The following PCDHGB2 variants were observed in gnomAD, a reference collection of about 807,000 sequenced individuals.
The protein encoded by PCDHGB2 is protocadherin gamma-B2.
PCDHGB2 carries 55 observed loss-of-function variants against 59.3 expected under a neutral mutation model. The observed-to-expected ratio is 0.93, with a 90% confidence interval of 0.75 to 1.16. PCDHGB2 has a LOEUF of 1.16. Ranked by LOEUF, PCDHGB2 falls within the 50% of genes most tolerant of loss-of-function variation. The probability of loss-of-function intolerance (pLI) is 0.00; values close to 1 mark genes in which losing one functional copy is unlikely to be tolerated. For missense variants in PCDHGB2, 1,228 were observed against 1,198.5 expected, an observed-to-expected ratio of 1.02 and a Z score of -0.36; for synonymous variants, 516 against 512.0, an observed-to-expected ratio of 1.01 and a Z score of -0.11.
chr5:141,419,729 G>T (rs1436631336), intron 1 of PCDHGB2: 1 of 1,613,758 alleles, frequency 6.2e-7, no homozygotes, highest in Admixed American at 1.7e-5. Context: ...GCTGCGAACA[G>T]GCGAGGTGCG....
chr5:141,453,669 G>T (rs1390396079), intron 1 of PCDHGB2, among the ~76,000 whole-genome samples: 1 of 152,034 alleles, frequency 6.6e-6, no homozygotes, highest in Non-Finnish European at 1.5e-5. Context: ...TTACACAAAA[G>T]GTAACACACT....
chr5:141,495,300 C>T (rs1249195819), intron 2 of PCDHGB2, among the ~76,000 whole-genome samples: 1 of 152,204 alleles, frequency 6.6e-6, no homozygotes, highest in Non-Finnish European at 1.5e-5. Context: ...AGCGCCTCCT[C>T]CAGAGCCTCC....
At chr5:141,389,525 CGT>C in intron 1 of PCDHGB2, 1 of 1,613,170 alleles carries the variant, frequency 6.2e-7, no homozygotes, top group Non-Finnish European at 8.5e-7. Context: ...TGAGCCTGCG[CGT>C]GTTAGTGGAC....
At chr5:141,405,523 G>T (rs140184617) in intron 1 of PCDHGB2, 2 of 679,202 alleles carry the variant, frequency 2.9e-6, no homozygotes, top group African/African-American at 3.6e-5. Context: ...AAATTCAAGC[G>T]ATTCTCCTGC....
chr5:141,511,419 G>A lies in PCDHGB2; in HGVS notation c.*246G>A, dbSNP rs1437533706. On this transcript the variant is annotated 3_prime_UTR_variant, in exon 4 of 4. Coordinates refer to ENST00000522605, the MANE Select transcript of PCDHGB2 (RefSeq NM_018923.3). Reference sequence around the variant, plus strand: ...ATCCAATCAACTGCTGTACCCATGGGGGTAGTGGGGTTACTGTAGACACCA... The same window carrying A: ...ATCCAATCAACTGCTGTACCCATGGAGGTAGTGGGGTTACTGTAGACACCA... 1.2e-6 allele frequency: 1 copy of A among 830,454 alleles called. No individual in the cohort carries two copies. The highest frequency in any genetic ancestry group is 1.7e-5 in the African/African-American group (1 of 58,076). 51.4% of individuals were successfully genotyped at this position (830,454 alleles called of 1,614,324 possible).
intron 1 of PCDHGB2, chr5:141,420,202 C>T (rs2096476837): frequency 6.2e-7 from 1 of 1,613,136 alleles, no homozygotes. Flanking sequence ...AAGATAACCT[C>T]AACAAAGATA....
Position 141,395,117 on chromosome 5 carries a change from G to C in PCDHGB2, c.2421+32561G>C. 4 of 1,614,192 alleles carry C rather than the reference G, an allele frequency of 2.5e-6. No homozygotes were observed. The South Asian group carries it at 4.4e-5, about 18-fold the overall frequency. ...CCGCCGACTCGCGGAAGAGTCACCT[G>C]ATCTTTCCCCAGCCCAACTACGCAG... On this transcript the variant is annotated intron_variant, in intron 1 of 3. Coordinates refer to ENST00000522605, the MANE Select transcript of PCDHGB2 (RefSeq NM_018923.3).
Position 141,366,435 on chromosome 5 carries a change from G to A in PCDHGB2, c.2421+3879G>A, listed in dbSNP as rs1764554522. ...GTGGTGGCAGTGGCTGCAGTCTCCTGCGTCTTCCTGGCCTTCGTCATCGTG... is the reference window on the plus strand; with the variant it reads ...GTGGTGGCAGTGGCTGCAGTCTCCTACGTCTTCCTGGCCTTCGTCATCGTG... On this transcript the variant is annotated intron_variant, in intron 1 of 3. Transcript: ENST00000522605. 2 of 1,614,046 alleles carry A rather than the reference G, an allele frequency of 1.2e-6. No individual in the cohort carries two copies. The highest frequency in any genetic ancestry group is 1.3e-5 in the African/African-American group (1 of 74,958).
chr5:141,384,238 G>C, intron 1 of PCDHGB2: 2 of 1,613,838 alleles, frequency 1.2e-6, no homozygotes, highest in Admixed American at 1.7e-5. Flanking sequence ...AGACACCAAC[G>C]ATAACCCACC....
chr5:141,399,991 G>A (rs1226741326), intron 1 of PCDHGB2: 1 of 1,612,422 alleles, frequency 6.2e-7, no homozygotes. Context: ...CACAGGAGAG[G>A]TGCGCACAGC....
chr5:141,392,977 AC>A (rs1561639344), intron 1 of PCDHGB2: 1 of 1,613,678 alleles, frequency 6.2e-7, no homozygotes, highest in South Asian at 1.1e-5. Flanking sequence ...CTGGGGCTGG[AC>A]CCCCGGAAGC....
In PCDHGB2 at chr5:141,489,163, C is replaced by T. The variant is rs2099683398; in HGVS notation, c.2422-5644C>T. 1 of 1,060,592 alleles carries T rather than the reference C, an allele frequency of 9.4e-7. No individual in the cohort carries two copies. Among genetic ancestry groups the T allele is most frequent in the Admixed American group, 2.4e-5 (1 of 41,724 alleles). The allele number at this position is 1,060,592 out of a possible 1,614,324, so 65.7% of individuals were successfully genotyped here. On this transcript the variant is annotated intron_variant, in intron 1 of 3. Coordinates refer to ENST00000522605, the MANE Select transcript of PCDHGB2 (RefSeq NM_018923.3). This position sits in a 1 kb window ranked among gnomAD's most constrained non-coding sequence, Gnocchi z 4.5. ...TGGAAGGAGACATAAGAGACTTCAGCTGCTGCATTCCAAGCCCTGGGTCTA... is the reference window on the plus strand; with the variant it reads ...TGGAAGGAGACATAAGAGACTTCAGTTGCTGCATTCCAAGCCCTGGGTCTA...
At position 141,497,540 on chromosome 5, in the gene PCDHGB2, C is replaced by CT. The variant is rs754207034; in HGVS notation, c.2480+2693dup. On this transcript the variant is annotated intron_variant, in intron 2 of 3. Transcript: ENST00000522605. Reference sequence around the variant, plus strand: ...TTAACTTGTGGAGGATGCAACAAACCTTTTTTTTTTTTTTTTTTAGACAGA... The same window carrying CT: ...TTAACTTGTGGAGGATGCAACAAACCTTTTTTTTTTTTTTTTTTTAGACAGA... Among the ~76,000 whole-genome samples, 618 of 134,908 alleles carry CT rather than the reference C, an allele frequency of 4.6e-3. 3 individuals carry two copies. The highest frequency in any genetic ancestry group is 0.012 in the African/African-American group (419 of 35,974). 88.5% of individuals were successfully genotyped at this position (134,908 alleles called of 152,430 possible). A position where few individuals can be genotyped will look rare whatever the true frequency, so the allele number is the denominator to read the frequency against.
At chr5:141,404,015 C>T in intron 1 of PCDHGB2, 1 of 1,613,622 alleles carries the variant, frequency 6.2e-7, no homozygotes. Context: ...TCTGTTTAGC[C>T]CAGTGAGAGA....
Position 141,489,216 on chromosome 5 carries a change from C to G in PCDHGB2, c.2422-5591C>G. The G allele has an allele frequency of 6.7e-7, 1 of 1,486,698 alleles. No individual in the cohort carries two copies. Among genetic ancestry groups the G allele is most frequent in the Non-Finnish European group, 9.1e-7 (1 of 1,103,260 alleles). 92.1% of individuals were successfully genotyped at this position (1,486,698 alleles called of 1,614,324 possible). ...TTGGAGACAGGACAGCACAGACTTA[C>G]TCTCCACAAAGGGACTTCTGGGTCA... On this transcript the variant is annotated intron_variant, in intron 1 of 3. Transcript: ENST00000522605. This position sits in a 1 kb window ranked among gnomAD's most constrained non-coding sequence, Gnocchi z 4.5.
Position 141,364,604 on chromosome 5 carries a change from C to G in PCDHGB2, c.2421+2048C>G, listed in dbSNP as rs370007558. On this transcript the variant is annotated intron_variant, in intron 1 of 3. Transcript: ENST00000522605. ...CTTGGTCACCGCGGGCAGGATAGAC[C>G]GGGAGGAGCTCTGCGCTCAGAGCCC... 4.1e-5 allele frequency: 66 copies of G among 1,614,044 alleles called. No individual in the cohort carries two copies. Among genetic ancestry groups the G allele is most frequent in the Non-Finnish European group, 5.3e-5 (63 of 1,180,004 alleles).
At chr5:141,383,499 G>A (rs1779188122) in intron 1 of PCDHGB2, 1 of 1,612,970 alleles carries the variant, frequency 6.2e-7, no homozygotes. Flanking sequence ...AGCGGGTGCT[G>A]GACCGGGAGG....
chr5:141,460,614 G>A (rs10058360), intron 1 of PCDHGB2, among the ~76,000 whole-genome samples: 42,418 of 151,914 alleles, frequency 0.28, 6,648 homozygotes, highest in African/African-American at 0.43. Flanking sequence ...TAGATGGATA[G>A]ATAGACAGAT....
At chr5:141,370,736 A>C (rs1444909580) in intron 1 of PCDHGB2, 1 of 1,613,780 alleles carries the variant, frequency 6.2e-7, no homozygotes, top group Non-Finnish European at 8.5e-7. Flanking sequence ...AAAAGCCTTT[A>C]AACTTTTTTC....
Sources: gnomAD v4.1 joint callset for allele counts (sites outside exome capture counted in the v4.1 genomes callset) on GRCh38, gnomAD v4.1.1 for gene constraint, Gnocchi (gnomAD v3.1) non-coding constraint, MANE v1.5 for transcripts, NCBI Gene and HGNC (gene_info 2026-07-23, HGNC 2026-07-21) for gene names.